GLIS1: variants seen among roughly 807,000 people sequenced by gnomAD.
GLIS1 encodes zinc finger protein GLIS1.
In GLIS1, 24 loss-of-function variants were observed where a neutral mutation model predicts 63.8. The observed-to-expected ratio is 0.38, with a 90% confidence interval of 0.27 to 0.53. GLIS1 has a LOEUF of 0.53. Among genes scored for constraint, GLIS1 ranks in the 20% least tolerant of loss-of-function variants. The probability of loss-of-function intolerance (pLI) is 0.85; values close to 1 mark genes in which losing one functional copy is unlikely to be tolerated. For missense variants in GLIS1, 1,036 were observed against 1,074.1 expected, an observed-to-expected ratio of 0.96 and a Z score of 0.50; for synonymous variants, 450 against 482.5, an observed-to-expected ratio of 0.93 and a Z score of 0.88.
intron 4 of GLIS1, among the ~76,000 whole-genome samples, chr1:53,589,723 C>T (rs1359114251): frequency 2.6e-5 from 4 of 152,178 alleles, no homozygotes; most frequent in Admixed American, 6.5e-5. Flanking sequence ...GATGAAAACC[C>T]GGCCCGAGAC....
In GLIS1 at chr1:53,686,204, G is replaced by A. The variant is rs1176019996; in HGVS notation, c.259+51602C>T. ...GGAGCTATGACTGCCCTGAAGCTGG[G>A]TACTCAGTAAATGAGGGAGGAAGGA... is the stretch of plus-strand genomic sequence containing the variant. On this transcript the variant is annotated intron_variant, in intron 2 of 10. Coordinates refer to ENST00000628545, the MANE Select transcript of GLIS1 (RefSeq NM_001367484.1). Among the ~76,000 whole-genome samples, 4 of 152,284 alleles carry A rather than the reference G, an allele frequency of 2.6e-5. No individual in the cohort carries two copies. In the East Asian group the frequency reaches 5.8e-4, roughly 22 times the overall value.
Position 53,526,829 on chromosome 1 carries a change from A to G in GLIS1, c.1483-1942T>C, listed in dbSNP as rs1329695015. 6.6e-6 allele frequency among the ~76,000 whole-genome samples: 1 copy of G among 151,832 alleles called. No homozygotes were observed. The highest frequency in any genetic ancestry group is 2.4e-5 in the African/African-American group (1 of 41,310). ...GCCTGACATGTGTAGAACATTCCTC[A>G]GGCCCCATTCCCCGTGAGCCTGTGG... is the stretch of plus-strand genomic sequence containing the variant. On this transcript the variant is annotated intron_variant, in intron 5 of 10. Coordinates refer to ENST00000628545, the MANE Select transcript of GLIS1 (RefSeq NM_001367484.1). The surrounding 1 kb of genome is among the most constrained non-coding windows in gnomAD (Gnocchi z 4.4).
intron 4 of GLIS1, among the ~76,000 whole-genome samples, chr1:53,583,041 A>C (rs1645101206): frequency 6.6e-6 from 1 of 152,226 alleles, no homozygotes; most frequent in Admixed American, 6.5e-5. Context: ...CCGTAAGCCA[A>C]ACTGCCTCCC....
chr1:53,689,196 C>T (rs558330900), intron 2 of GLIS1, among the ~76,000 whole-genome samples: 4 of 152,266 alleles, frequency 2.6e-5, no homozygotes, highest in Non-Finnish European at 5.9e-5. Context: ...GAAAGAGAGA[C>T]GTGGAGAGTT....
At chr1:53,707,833 G>A (rs7535346) in intron 2 of GLIS1, among the ~76,000 whole-genome samples, 96 of 151,950 alleles carry the variant, frequency 6.3e-4, no homozygotes, top group Non-Finnish European at 1.1e-3. Flanking sequence ...GATTACAGGC[G>A]TGAGCCACCA....
At chr1:53,717,802 C>T (rs531113711) in intron 2 of GLIS1, among the ~76,000 whole-genome samples, 6 of 152,272 alleles carry the variant, frequency 3.9e-5, no homozygotes, top group Admixed American at 3.3e-4. Flanking sequence ...TGAGTACAGA[C>T]ATTTTTTGCC....
At chr1:53,729,998 G>A (rs371675982) in intron 2 of GLIS1, among the ~76,000 whole-genome samples, 1 of 152,210 alleles carries the variant, frequency 6.6e-6, no homozygotes, top group African/African-American at 2.4e-5. Context: ...CAGGTTTGGG[G>A]AGTGGAAGTG....
At chr1:53,533,454 G>A (rs114593897) in intron 4 of GLIS1, among the ~76,000 whole-genome samples, 322 of 152,348 alleles carry the variant, frequency 2.1e-3, no homozygotes, top group African/African-American at 7.3e-3. Context: ...CCTGATGCCT[G>A]TGCTGTGCCC....
intron 2 of GLIS1, among the ~76,000 whole-genome samples, chr1:53,701,454 G>C (rs542036378): frequency 6.6e-6 from 1 of 152,174 alleles, no homozygotes; most frequent in African/African-American, 2.4e-5. Flanking sequence ...GCCCTCCTCC[G>C]CTGTCAAAAG....
chr1:53,564,537 T>C (rs560260846), intron 4 of GLIS1, among the ~76,000 whole-genome samples: 16 of 152,240 alleles, frequency 1.1e-4, no homozygotes, highest in African/African-American at 3.9e-4. Context: ...AAACAGAACA[T>C]GTCAGCATGA....
rs368491027 is a variant in GLIS1, at chr1:53,510,661, T to C, written c.1884-634A>G. On this transcript the variant is annotated intron_variant, in intron 8 of 10. Transcript: ENST00000628545. ...TGGTGAGGGTGACATTAAAGCAATA[T>C]AGACAAAGTGTGATGTCCAATACAT... Among the ~76,000 whole-genome samples, 42 of 152,328 alleles carry C rather than the reference T, an allele frequency of 2.8e-4. 1 individual carries two copies. Among genetic ancestry groups the C allele is most frequent in the African/African-American group, 9.1e-4 (38 of 41,566 alleles).
At chr1:53,635,332 T>C (rs1023368673) in intron 2 of GLIS1, among the ~76,000 whole-genome samples, 3 of 152,100 alleles carry the variant, frequency 2.0e-5, no homozygotes, top group South Asian at 2.1e-4. Context: ...AAATCTCATA[T>C]ATTTGGAAAT....
chr1:53,570,152 C>A (rs1314792066), intron 4 of GLIS1, among the ~76,000 whole-genome samples: 1 of 151,986 alleles, frequency 6.6e-6, no homozygotes, highest in East Asian at 1.9e-4. Flanking sequence ...TACTCCATCA[C>A]CCAGGCTGGA....
At chr1:53,660,084 T>C (rs1356170535) in intron 2 of GLIS1, among the ~76,000 whole-genome samples, 1 of 152,238 alleles carries the variant, frequency 6.6e-6, no homozygotes, top group Non-Finnish European at 1.5e-5. Flanking sequence ...GAGTCTACTC[T>C]GGGCTTTCCC....
intron 2 of GLIS1, among the ~76,000 whole-genome samples, chr1:53,644,676 C>T (rs991066413): frequency 6.6e-6 from 1 of 151,978 alleles, no homozygotes; most frequent in Non-Finnish European, 1.5e-5. Flanking sequence ...GGACCAGGGC[C>T]CGGAGGAGGC....
intron 2 of GLIS1, among the ~76,000 whole-genome samples, chr1:53,730,948 A>G (rs762685122): frequency 6.6e-6 from 1 of 152,198 alleles, no homozygotes; most frequent in Non-Finnish European, 1.5e-5. Context: ...AGTGTTTAAC[A>G]AGAAATAATT....
In GLIS1 at chr1:53,646,997, G is replaced by A. The variant is rs1015364115; in HGVS notation, c.260-46719C>T. Among the ~76,000 whole-genome samples, 1 of 151,322 alleles carries A rather than the reference G, an allele frequency of 6.6e-6. No individual in the cohort carries two copies. Among genetic ancestry groups the A allele is most frequent in the Non-Finnish European group, 1.5e-5 (1 of 67,874 alleles). The stretch of plus-strand genomic sequence containing the variant: ...AAGGAAGGAAAGGAAGGAAAGGAAG[G>A]AAGGGAGGGATGAAGGAAAAGAAAA... On this transcript the variant is annotated intron_variant, in intron 2 of 10. Coordinates refer to ENST00000628545, the MANE Select transcript of GLIS1 (RefSeq NM_001367484.1). This position sits in a 1 kb window ranked among gnomAD's most constrained non-coding sequence, Gnocchi z 4.2.
At position 53,524,770 on chromosome 1, in the gene GLIS1, G is replaced by A; in HGVS notation, c.1593+7C>T. On this transcript the variant is annotated splice_region_variant and intron_variant, in intron 6 of 10. Transcript: ENST00000628545. ...GGGAGGAGGCCAGATGAGGAGGGCTGGCTTACCTTCTTACGCACCTGCTGC... is the reference window on the plus strand; with the variant it reads ...GGGAGGAGGCCAGATGAGGAGGGCTAGCTTACCTTCTTACGCACCTGCTGC... 1.2e-6 allele frequency: 2 copies of A among 1,608,420 alleles called. No homozygotes were observed. Among genetic ancestry groups the A allele is most frequent in the South Asian group, 2.2e-5 (2 of 90,952 alleles).
At chr1:53,584,309 A>G (rs1200094887) in intron 4 of GLIS1, among the ~76,000 whole-genome samples, 1 of 152,064 alleles carries the variant, frequency 6.6e-6, no homozygotes, top group African/African-American at 2.4e-5. Flanking sequence ...CATGCAGGTA[A>G]TTCACTTCAA....
Sources: allele counts gnomAD v4.1 joint callset (sites outside exome capture counted in the v4.1 genomes callset), GRCh38; gene constraint gnomAD v4.1.1; non-coding constraint Gnocchi (gnomAD v3.1); transcripts MANE v1.5; gene names NCBI Gene and HGNC (gene_info 2026-07-23, HGNC 2026-07-21).